The following NEO1 variants were observed in gnomAD, a reference collection of about 807,000 sequenced individuals.
NEO1 encodes neogenin.
A neutral mutation model predicts 159.7 loss-of-function variants in NEO1; 63 were observed. That is an observed-to-expected ratio of 0.39 (90% CI 0.32 to 0.49). NEO1 has a LOEUF of 0.49. Among genes scored for constraint, NEO1 ranks in the 20% least tolerant of loss-of-function variants. The probability of loss-of-function intolerance (pLI) is 0.85; values close to 1 mark genes in which losing one functional copy is unlikely to be tolerated. For synonymous variants in NEO1, 633 were observed against 662.0 expected (o/e 0.96, Z 0.67); for missense variants, 1,615 against 1,831.0 (o/e 0.88, Z 2.15).
At chr15:73,056,145 T>C (rs1422400455) in intron 1 of NEO1, among the ~76,000 whole-genome samples, 1 of 152,214 alleles carries the variant, frequency 6.6e-6, no homozygotes. Context: ...TTGTATTCTT[T>C]ACCTCTGTTC....
chr15:73,253,709 C>T (rs567837091), intron 12 of NEO1, among the ~76,000 whole-genome samples: 1 of 152,338 alleles, frequency 6.6e-6, no homozygotes, highest in African/African-American at 2.4e-5. Flanking sequence ...CTTAATTTTG[C>T]TTCCTTCCTC....
intron 7 of NEO1, among the ~76,000 whole-genome samples, chr15:73,191,536 TAGAA>T (rs571235589): frequency 1.1e-3 from 145 of 132,932 alleles, no homozygotes; most frequent in African/African-American, 3.6e-3. Flanking sequence ...GGAAAGAACA[TAGAA>T]AGACAGAGTA....
At chr15:73,240,730 A>G (rs1222431874) in intron 8 of NEO1, among the ~76,000 whole-genome samples, 1 of 152,328 alleles carries the variant, frequency 6.6e-6, no homozygotes, top group East Asian at 1.9e-4. Context: ...TTGGATGAAG[A>G]TGAAAGCAGC....
At chr15:73,117,394 A>G (rs1373610245) in intron 2 of NEO1, among the ~76,000 whole-genome samples, 1 of 152,202 alleles carries the variant, frequency 6.6e-6, no homozygotes, top group East Asian at 1.9e-4. Flanking sequence ...AGAATGATGG[A>G]AAGTGTAAGA....
At chr15:73,086,412 T>A (rs528066209) in intron 1 of NEO1, among the ~76,000 whole-genome samples, 1 of 152,282 alleles carries the variant, frequency 6.6e-6, no homozygotes, top group African/African-American at 2.4e-5. Flanking sequence ...TATTCTACTT[T>A]CTTTCTTTTT....
intron 10 of NEO1, 31 bp from the exon 11 acceptor site, chr15:73,249,552 C>T (rs2039966184): frequency 1.9e-6 from 3 of 1,560,814 alleles, no homozygotes; most frequent in Admixed American, 2.1e-5. Flanking sequence ...GGCTTGAGTG[C>T]ATATGTATAA....
chr15:73,087,170 C>T (rs1310267675), intron 1 of NEO1, among the ~76,000 whole-genome samples: 7 of 151,948 alleles, frequency 4.6e-5, no homozygotes, highest in Non-Finnish European at 1.0e-4. Context: ...AGTTAAACTC[C>T]CATTCTGTTC....
At chr15:73,159,075 C>CAACT (rs1236197729) in intron 5 of NEO1, among the ~76,000 whole-genome samples, 2 of 152,088 alleles carry the variant, frequency 1.3e-5, no homozygotes, top group Non-Finnish European at 2.9e-5. Flanking sequence ...TCTGCCTGGG[C>CAACT]AACTATAGCA....
chr15:73,261,110 G>C (rs940863793), intron 15 of NEO1, among the ~76,000 whole-genome samples: 1 of 151,930 alleles, frequency 6.6e-6, no homozygotes, highest in African/African-American at 2.4e-5. Flanking sequence ...GTGTCCATTT[G>C]ACATCTTCCA....
chr15:73,181,978 A>AAAAG (rs5813706), intron 7 of NEO1, among the ~76,000 whole-genome samples: 134,186 of 151,758 alleles, frequency 0.88, 59,798 homozygotes, highest in Admixed American at 0.94. Flanking sequence ...GGCAATTTAC[A>AAAAG]AAAGAGATTT....
At chr15:73,187,845 A>C (rs1247083391) in intron 7 of NEO1, among the ~76,000 whole-genome samples, 2 of 152,210 alleles carry the variant, frequency 1.3e-5, no homozygotes, top group African/African-American at 4.8e-5. Context: ...TAAAATGAAC[A>C]AAAAGGATGC....
At chr15:73,170,357 G>C (rs1567375250) in intron 5 of NEO1, among the ~76,000 whole-genome samples, 1 of 152,124 alleles carries the variant, frequency 6.6e-6, no homozygotes, top group African/African-American at 2.4e-5. Context: ...AGAAGATTCA[G>C]CTAAAAGCTA....
rs538036714 is a variant in NEO1, at chr15:73,066,851, C to A, written c.130+14046C>A. 6.6e-5 allele frequency among the ~76,000 whole-genome samples: 10 copies of A among 152,312 alleles called. No homozygotes were observed. The East Asian group carries it at 7.7e-4, about 12-fold the overall frequency. On this transcript the variant is annotated intron_variant, in intron 1 of 28. Transcript: ENST00000261908. The stretch of plus-strand genomic sequence containing the variant: ...AGTAGCCTTTAGAATCTGCCGATAG[C>A]TCTAGGCCAAAAGGAGCCCCACATA...
intron 13 of NEO1, among the ~76,000 whole-genome samples, chr15:73,257,047 A>C (rs532119905): frequency 6.9e-6 from 1 of 145,054 alleles, no homozygotes; most frequent in African/African-American, 2.5e-5. Context: ...TGGGAGGATC[A>C]TTTGAACCCA....
chr15:73,186,672 G>A (rs1291774715), intron 7 of NEO1, among the ~76,000 whole-genome samples: 2 of 151,722 alleles, frequency 1.3e-5, no homozygotes, highest in African/African-American at 4.8e-5. Context: ...GAATTAAATA[G>A]TCATATCAGT....
chr15:73,056,128 A>C (rs1356690086), intron 1 of NEO1, among the ~76,000 whole-genome samples: 1 of 152,150 alleles, frequency 6.6e-6, no homozygotes, highest in South Asian at 2.1e-4. Flanking sequence ...GGAGATTGTG[A>C]GGCCCTTTGT....
At chr15:73,301,522 C>G in intron 28 of NEO1, 65 bp downstream of exon 28, 1 of 1,603,584 alleles carries the variant, frequency 6.2e-7, no homozygotes, top group Non-Finnish European at 8.5e-7. Flanking sequence ...CCTGAGACTG[C>G]TGGTCAAGCT....
At chr15:73,219,888 C>G (rs1393362739) in intron 7 of NEO1, among the ~76,000 whole-genome samples, 1 of 151,270 alleles carries the variant, frequency 6.6e-6, no homozygotes, top group African/African-American at 2.4e-5. Flanking sequence ...ATTTGCCAGT[C>G]TGTGTCTTGT....
chr15:73,205,934 G>A (rs1240261721), intron 7 of NEO1, among the ~76,000 whole-genome samples: 1 of 151,556 alleles, frequency 6.6e-6, no homozygotes, highest in East Asian at 1.9e-4. Context: ...TTGAGTCAGA[G>A]CCTTACTCTG....
Sources: allele counts gnomAD v4.1 joint callset (sites outside exome capture counted in the v4.1 genomes callset), GRCh38; gene constraint gnomAD v4.1.1; transcripts MANE v1.5; gene names NCBI Gene and HGNC (gene_info 2026-07-23, HGNC 2026-07-21).